KCNC2: variants seen among roughly 807,000 people sequenced by gnomAD.
KCNC2 encodes the protein potassium voltage-gated channel subfamily C member 2.
In KCNC2, 21 loss-of-function variants were observed where a neutral mutation model predicts 44.5. The ratio of observed to expected loss-of-function variants is 0.47; its 90% CI spans 0.33 to 0.68. The LOEUF (loss-of-function observed/expected upper bound fraction) is 0.68, where lower values mean the gene tolerates loss of function less well. KCNC2 is among the 30% of genes least tolerant of loss of function. KCNC2 has a pLI of 0.01. For missense variants in KCNC2, 589 were observed against 826.2 expected, an observed-to-expected ratio of 0.71 and a Z score of 3.52; for synonymous variants, 391 against 339.1, an observed-to-expected ratio of 1.15 and a Z score of -1.68.
chr12:75,168,749 G>A (rs1329319934), intron 2 of KCNC2, among the ~76,000 whole-genome samples: 1 of 151,450 alleles, frequency 6.6e-6, no homozygotes, highest in Non-Finnish European at 1.5e-5. Flanking sequence ...GTCTGTGAAG[G>A]TTGTAAATAA....
intron 2 of KCNC2, among the ~76,000 whole-genome samples, chr12:75,179,620 T>A (rs976657612): frequency 6.6e-6 from 1 of 150,996 alleles, no homozygotes; most frequent in Non-Finnish European, 1.5e-5. Context: ...TAAAAGATAG[T>A]TTTATATCTT....
chr12:75,093,527 C>A (rs947229084), intron 2 of KCNC2, among the ~76,000 whole-genome samples: 1 of 151,650 alleles, frequency 6.6e-6, no homozygotes, highest in African/African-American at 2.4e-5. Context: ...TCCATTACAG[C>A]TTATTCATAA....
intron 2 of KCNC2, among the ~76,000 whole-genome samples, chr12:75,175,419 C>T (rs561138110): frequency 6.6e-6 from 1 of 152,128 alleles, no homozygotes; most frequent in East Asian, 1.9e-4. Context: ...TGGGGAATTA[C>T]ATTAAAGATT....
At chr12:75,066,903 G>A (rs913962934) in intron 2 of KCNC2, among the ~76,000 whole-genome samples, 1 of 152,152 alleles carries the variant, frequency 6.6e-6, no homozygotes, top group South Asian at 2.1e-4. Context: ...TTTCAATTTG[G>A]GGATAACAAA....
At chr12:75,200,064 G>C (rs1424931510) in intron 2 of KCNC2, among the ~76,000 whole-genome samples, 1 of 151,702 alleles carries the variant, frequency 6.6e-6, no homozygotes, top group Non-Finnish European at 1.5e-5. Flanking sequence ...AGGGAATCTT[G>C]AAAATAAGGC....
intron 2 of KCNC2, among the ~76,000 whole-genome samples, chr12:75,135,651 T>A (rs925492334): frequency 6.6e-6 from 1 of 152,020 alleles, no homozygotes; most frequent in Admixed American, 6.6e-5. Context: ...ATAGAAAGTA[T>A]AAGAACATTC....
chr12:75,163,081 C>T (rs902293415), intron 2 of KCNC2, among the ~76,000 whole-genome samples: 6 of 151,736 alleles, frequency 4.0e-5, no homozygotes, highest in Non-Finnish European at 2.9e-5. Context: ...GGGAAGATGG[C>T]ATGCTCTATT....
intron 2 of KCNC2, among the ~76,000 whole-genome samples, chr12:75,056,972 A>G (rs867558187): frequency 3.3e-5 from 5 of 152,022 alleles, no homozygotes; most frequent in African/African-American, 1.2e-4. Context: ...AGCTGGGTGT[A>G]AGAGTGGCAT....
chr12:75,064,042 A>G (rs1234521879), intron 2 of KCNC2, among the ~76,000 whole-genome samples: 1 of 152,130 alleles, frequency 6.6e-6, no homozygotes, highest in South Asian at 2.1e-4. Context: ...TTAGCCATAA[A>G]TGACAAAAAT....
In KCNC2 at chr12:75,042,992, T is replaced by A; in HGVS notation, c.*113A>T. The A allele has an allele frequency of 6.7e-7, 1 of 1,484,646 alleles. No homozygotes were observed. The allele number at this position is 1,484,646 out of a possible 1,614,324, so 92.0% of individuals were successfully genotyped here. A position where few individuals can be genotyped will look rare whatever the true frequency, so the allele number is the denominator to read the frequency against. On this transcript the variant is annotated 3_prime_UTR_variant, in exon 5 of 5. Transcript: ENST00000549446. ...TCAAATTGTAGTATCATGCAAGATT[T>A]ATACTGTATTAATGGAGCCTGGAGT...
intron 1 of KCNC2, among the ~76,000 whole-genome samples, chr12:75,208,670 A>T (rs2446319): frequency 6.8e-6 from 1 of 147,762 alleles, no homozygotes; most frequent in African/African-American, 2.5e-5. Context: ...GTGCCTTCTG[A>T]GCAACCTGTT....
At chr12:75,136,137 T>C (rs1185160398) in intron 2 of KCNC2, among the ~76,000 whole-genome samples, 1 of 151,898 alleles carries the variant, frequency 6.6e-6, no homozygotes, top group Non-Finnish European at 1.5e-5. Flanking sequence ...TCAAAATACA[T>C]GAAAATAGAG....
chr12:75,178,239 A>T (rs1181339456), intron 2 of KCNC2, among the ~76,000 whole-genome samples: 1 of 152,024 alleles, frequency 6.6e-6, no homozygotes, highest in Non-Finnish European at 1.5e-5. Context: ...GCTTAGTAAT[A>T]CAATTCCACT....
chr12:75,077,334 A>G (rs1429450162), intron 2 of KCNC2, among the ~76,000 whole-genome samples: 1 of 152,152 alleles, frequency 6.6e-6, no homozygotes, highest in African/African-American at 2.4e-5. Context: ...ATTTTATAAA[A>G]TTTAATAAAC....
In KCNC2 at chr12:75,040,953, T is replaced by C. The variant is rs200064128; in HGVS notation, c.*2152A>G. On this transcript the variant is annotated 3_prime_UTR_variant, in exon 5 of 5. Transcript: ENST00000549446. ...TGACCCATGCACACATGTTGGTATT[T>C]ACAGTTGTTTCATGGACACTGGCCA... 3.2e-6 allele frequency: 2 copies of C among 631,808 alleles called. No homozygotes were observed. The highest frequency in any genetic ancestry group is 5.6e-6 in the Non-Finnish European group (2 of 356,542). The allele number at this position is 631,808 out of a possible 1,614,324, so 39.1% of individuals were successfully genotyped here.
At chr12:75,127,997 A>G (rs1888557058) in intron 2 of KCNC2, among the ~76,000 whole-genome samples, 1 of 152,136 alleles carries the variant, frequency 6.6e-6, no homozygotes, top group Non-Finnish European at 1.5e-5. Context: ...CACATAATAG[A>G]TTTCAAATGA....
At chr12:75,074,082 G>T (rs572516795) in intron 2 of KCNC2, among the ~76,000 whole-genome samples, 2 of 152,078 alleles carry the variant, frequency 1.3e-5, no homozygotes, top group East Asian at 1.9e-4. Flanking sequence ...ATAAAAAGTA[G>T]ATTTAGAGTT....
intron 2 of KCNC2, among the ~76,000 whole-genome samples, chr12:75,205,011 G>A (rs528899680): frequency 3.3e-5 from 5 of 152,152 alleles, no homozygotes; most frequent in Non-Finnish European, 4.4e-5. Flanking sequence ...TTCCAGGAGC[G>A]AAAGTCCTGG....
chr12:75,145,416 T>C (rs1335659397), intron 2 of KCNC2, among the ~76,000 whole-genome samples: 1 of 152,142 alleles, frequency 6.6e-6, no homozygotes, highest in African/African-American at 2.4e-5. Context: ...ATTTACATGC[T>C]GGGTCTAAGC....
Sources: gnomAD v4.1 joint callset for allele counts (sites outside exome capture counted in the v4.1 genomes callset) on GRCh38, gnomAD v4.1.1 for gene constraint, MANE v1.5 for transcripts, NCBI Gene and HGNC (gene_info 2026-07-23, HGNC 2026-07-21) for gene names.